Variants in SIL1 observed in about 807,000 individuals in gnomAD.
SIL1 encodes the protein SIL1 nucleotide exchange factor.
Under a neutral mutation model 49.1 loss-of-function variants are expected in SIL1, and 40 were observed. The observed-to-expected ratio is 0.81, with a 90% CI of 0.63 to 1.06. The LOEUF (loss-of-function observed/expected upper bound fraction) is 1.06. Ranked by LOEUF, SIL1 falls within the 50% of genes least tolerant of loss-of-function variation. The probability of loss-of-function intolerance (pLI) is 0.00; values close to 1 mark genes in which losing one functional copy is unlikely to be tolerated. For missense variants in SIL1, 500 were observed against 572.6 expected (o/e 0.87, Z 1.29); for synonymous variants, 253 against 250.8 (o/e 1.01, Z -0.08).
chr5:139,002,789 T>C (rs953301606), intron 7 of SIL1, among the ~76,000 whole-genome samples: 1 of 152,204 alleles, frequency 6.6e-6, no homozygotes, highest in Non-Finnish European at 1.5e-5. Flanking sequence ...ACTGGCTTAC[T>C]CCCCGGTTCC....
chr5:139,029,661 G>T (rs1768742408), intron 5 of SIL1, among the ~76,000 whole-genome samples: 1 of 151,614 alleles, frequency 6.6e-6, no homozygotes, highest in African/African-American at 2.4e-5. Context: ...ACCACGCCTG[G>T]CTAAAATTTT....
chr5:139,060,686 T>G (rs906540811), intron 3 of SIL1, among the ~76,000 whole-genome samples: 2 of 152,200 alleles, frequency 1.3e-5, no homozygotes, highest in Admixed American at 1.3e-4. Context: ...ATAAAGTGGT[T>G]GTAGAAATAT....
At chr5:139,177,924 A>G (rs1028070747) in intron 1 of SIL1, among the ~76,000 whole-genome samples, 1 of 152,230 alleles carries the variant, frequency 6.6e-6, no homozygotes, top group Non-Finnish European at 1.5e-5. Context: ...TTGGCACATC[A>G]CATCTCTGGG....
intron 3 of SIL1, among the ~76,000 whole-genome samples, chr5:139,060,596 A>G: frequency 6.6e-6 from 1 of 151,924 alleles, no homozygotes; most frequent in East Asian, 1.9e-4. Context: ...CATTCTACCA[A>G]TCTTCCCTAG....
chr5:139,007,390 A>G (rs1312073619), intron 7 of SIL1, among the ~76,000 whole-genome samples: 3 of 134,190 alleles, frequency 2.2e-5, no homozygotes, highest in Non-Finnish European at 1.6e-5. Flanking sequence ...TAGATATACA[A>G]TCATGTCGTC....
intron 1 of SIL1, among the ~76,000 whole-genome samples, chr5:139,180,797 T>C (rs1277912907): frequency 6.6e-6 from 1 of 152,176 alleles, no homozygotes; most frequent in African/African-American, 2.4e-5. Context: ...CAGTGTAGCA[T>C]GCCTTAAACC....
At chr5:139,110,831 C>T (rs1282953054) in intron 3 of SIL1, among the ~76,000 whole-genome samples, 2 of 152,220 alleles carry the variant, frequency 1.3e-5, no homozygotes, top group African/African-American at 2.4e-5. Flanking sequence ...TTCCAAAAAG[C>T]TCTCCAGAGC....
intron 1 of SIL1, among the ~76,000 whole-genome samples, chr5:139,140,103 C>G (rs1332401762): frequency 6.6e-6 from 1 of 152,080 alleles, no homozygotes; most frequent in African/African-American, 2.4e-5. Context: ...AACCCCGTCT[C>G]TACTAAAAAT....
chr5:139,096,719 G>A (rs975905909), intron 3 of SIL1, among the ~76,000 whole-genome samples: 1 of 151,892 alleles, frequency 6.6e-6, no homozygotes, highest in African/African-American at 2.4e-5. Context: ...AAGGGAACTT[G>A]CTGCCTTAAA....
At chr5:139,024,917 A>C (rs1381277656) in intron 6 of SIL1, among the ~76,000 whole-genome samples, 1 of 152,134 alleles carries the variant, frequency 6.6e-6, no homozygotes, top group African/African-American at 2.4e-5. Flanking sequence ...GCTGATTCAA[A>C]CACACTAGGC....
intron 7 of SIL1, among the ~76,000 whole-genome samples, chr5:138,977,729 C>A (rs1767423425): frequency 6.6e-6 from 1 of 152,194 alleles, no homozygotes; most frequent in Non-Finnish European, 1.5e-5. Flanking sequence ...AGAATAAAAT[C>A]CAAATTTAGT....
At chr5:139,097,573 G>A (rs1421662292) in intron 3 of SIL1, among the ~76,000 whole-genome samples, 1 of 150,992 alleles carries the variant, frequency 6.6e-6, no homozygotes, top group Non-Finnish European at 1.5e-5. Context: ...CACCTCCCCA[G>A]TTCAAGCAAT....
At chr5:139,054,047 G>A (rs1023241905) in intron 3 of SIL1, among the ~76,000 whole-genome samples, 1 of 152,148 alleles carries the variant, frequency 6.6e-6, no homozygotes, top group African/African-American at 2.4e-5. Context: ...TTGGGAGGCT[G>A]AGACGAGGGG....
chr5:138,989,475 G>C (rs1179013707), intron 7 of SIL1, among the ~76,000 whole-genome samples: 4 of 152,152 alleles, frequency 2.6e-5, no homozygotes, highest in African/African-American at 7.2e-5. Context: ...GCCATGGCAA[G>C]AGAAAAATGG....
chr5:139,179,671 C>T (rs1047600219), intron 1 of SIL1, among the ~76,000 whole-genome samples: 20 of 152,074 alleles, frequency 1.3e-4, no homozygotes, highest in Non-Finnish European at 2.4e-4. Context: ...TAATAAAAAA[C>T]AAATGGGAAA....
At chr5:139,099,433 C>A (rs1039705418) in intron 3 of SIL1, among the ~76,000 whole-genome samples, 2 of 152,072 alleles carry the variant, frequency 1.3e-5, no homozygotes, top group Non-Finnish European at 2.9e-5. Flanking sequence ...CGGATATATA[C>A]CCAAAAGAAA....
chr5:139,052,897 T>C (rs1174429197), intron 3 of SIL1, among the ~76,000 whole-genome samples: 8 of 152,058 alleles, frequency 5.3e-5, no homozygotes, highest in Admixed American at 5.2e-4. Flanking sequence ...GGAAGGGCTG[T>C]GGGGGCTGCT....
At chr5:139,113,333 A>AAAAAAT (rs1360929525) in intron 3 of SIL1, among the ~76,000 whole-genome samples, 151 of 152,178 alleles carry the variant, frequency 9.9e-4, no homozygotes, top group Non-Finnish European at 1.4e-3. Flanking sequence ...ATAAATTTAA[A>AAAAAAT]AAAAAAAGTT....
At chr5:139,030,318 C>A (rs1297749831) in intron 5 of SIL1, among the ~76,000 whole-genome samples, 2 of 151,902 alleles carry the variant, frequency 1.3e-5, no homozygotes, top group Non-Finnish European at 2.9e-5. Flanking sequence ...GAAACCCCTT[C>A]TCTGCTAAAA....
Sources: gnomAD v4.1 joint callset for allele counts (sites outside exome capture counted in the v4.1 genomes callset) on GRCh38, gnomAD v4.1.1 for gene constraint, MANE v1.5 for transcripts, NCBI Gene and HGNC (gene_info 2026-07-23, HGNC 2026-07-21) for gene names.